Variants in HNRNPL observed in about 807,000 individuals in gnomAD.
HNRNPL encodes epididymis secretory sperm binding protein.
HNRNPL carries 12 observed loss-of-function variants against 64.0 expected under a neutral mutation model. The ratio of observed to expected loss-of-function variants is 0.19; its 90% CI spans 0.12 to 0.30. The LOEUF (loss-of-function observed/expected upper bound fraction) is 0.30, where lower values mean the gene tolerates loss of function less well. Ranked by LOEUF, HNRNPL falls within the 10% of genes least tolerant of loss-of-function variation. HNRNPL has a pLI of 1.00. For missense variants in HNRNPL, 484 were observed against 797.4 expected (o/e 0.61, Z 4.73); for synonymous variants, 385 against 313.0 (o/e 1.23, Z -2.43).
rs752038266 is a variant in HNRNPL at position 38,839,032 on chromosome 19, G to A, written c.1234-17C>T. 7 of 1,613,730 alleles carry A rather than the reference G, an allele frequency of 4.3e-6. No homozygotes were observed. The East Asian group carries it at 6.7e-5, about 15-fold the overall frequency. ...GAATTTCACCTTGGGGAGAGTAGCT[G>A]CAGTCAGCACCTCTGTCCAGCTGCC... On this transcript the variant is annotated splice_polypyrimidine_tract_variant and intron_variant, in intron 8 of 12. Coordinates refer to ENST00000221419, the MANE Select transcript of HNRNPL (RefSeq NM_001533.3).
intron 1 of HNRNPL, 123 bp from the exon 2 acceptor site, chr19:38,847,557 A>C (rs1210177187): frequency 4.1e-6 from 2 of 492,550 alleles, no homozygotes; most frequent in Admixed American, 3.9e-5. Context: ...AAGGATGCAC[A>C]GGAAAGACTA....
At position 38,839,024 on chromosome 19, in the gene HNRNPL, G is replaced by C; in HGVS notation, c.1234-9C>G. ...CTTTTCATGAATTTCACCTTGGGGA[G>C]AGTAGCTGCAGTCAGCACCTCTGTC... On this transcript the variant is annotated splice_polypyrimidine_tract_variant and intron_variant, in intron 8 of 12. Coordinates refer to ENST00000221419, the MANE Select transcript of HNRNPL (RefSeq NM_001533.3). 6 of 1,613,932 alleles carry C rather than the reference G, an allele frequency of 3.7e-6. No individual in the cohort carries two copies. Among genetic ancestry groups the C allele is most frequent in the Non-Finnish European group, 5.1e-6 (6 of 1,179,932 alleles).
At chr19:38,848,313 G>A (rs1016640147) in intron 1 of HNRNPL, among the ~76,000 whole-genome samples, 3 of 151,958 alleles carry the variant, frequency 2.0e-5, no homozygotes, top group Non-Finnish European at 4.4e-5. Context: ...GGCTGTTCTC[G>A]AACTCCTGAC....
chr19:38,841,718 C>T (rs1972123011), intron 6 of HNRNPL: 2 of 908,746 alleles, frequency 2.2e-6, no homozygotes, highest in Non-Finnish European at 3.1e-6. Flanking sequence ...AAATACAAGT[C>T]ACGGTACACA....
At chr19:38,852,278 C>G (rs1461434627), upstream of HNRNPL, 2 of 151,728 alleles carry the variant, frequency 1.3e-5, no homozygotes, top group Non-Finnish European at 2.9e-5. Flanking sequence ...TCCCGCACCC[C>G]TCGCCCCCAG....
At chr19:38,848,582 G>A (rs925091143) in intron 1 of HNRNPL, among the ~76,000 whole-genome samples, 2 of 152,222 alleles carry the variant, frequency 1.3e-5, no homozygotes, top group African/African-American at 4.8e-5. Flanking sequence ...GAAGTGCGTG[G>A]AAGGTGGGTA....
chr19:38,839,218 G>A lies in HNRNPL; in HGVS notation c.1234-203C>T, dbSNP rs111990928. 3.4e-3 allele frequency: 1,998 copies of A among 579,824 alleles called. 8 individuals are homozygous for A. Among genetic ancestry groups the A allele is most frequent in the Non-Finnish European group, 5.0e-3 (1,641 of 326,980 alleles). The allele number at this position is 579,824 out of a possible 1,614,324, so 35.9% of individuals were successfully genotyped here. On this transcript the variant is annotated intron_variant, in intron 8 of 12. Transcript: ENST00000221419. ...GAGCCTGGGCCATGTTTTTAACTGT[G>A]GGACATAACCCACCAGTAAATCATT...
intron 9 of HNRNPL, 109 bp from the exon 10 acceptor site, chr19:38,838,707 T>G: frequency 7.5e-7 from 1 of 1,336,308 alleles, no homozygotes; most frequent in Non-Finnish European, 1.1e-6. Flanking sequence ...GGGGCATTGC[T>G]CTACACCTGA....
chr19:38,836,592 A>G lies in HNRNPL; in HGVS notation c.*130T>C, dbSNP rs1332059547. ...AGGTTAAGTAAGCCTCTACAAACCT[A>G]GCATTTAAAAAAAAAAAAAAAAAAA... is the stretch of plus-strand genomic sequence containing the variant. On this transcript the variant is annotated 3_prime_UTR_variant, in exon 13 of 13. Coordinates refer to ENST00000221419, the MANE Select transcript of HNRNPL (RefSeq NM_001533.3). 1 of 535,798 alleles carries G rather than the reference A, an allele frequency of 1.9e-6. No homozygotes were observed. Among genetic ancestry groups the G allele is most frequent in the East Asian group, 3.0e-5 (1 of 33,212 alleles). The allele number at this position is 535,798 out of a possible 1,614,324, so 33.2% of individuals were successfully genotyped here.
chr19:38,848,553 G>T (rs181762137), intron 1 of HNRNPL, among the ~76,000 whole-genome samples: 13 of 151,982 alleles, frequency 8.6e-5, no homozygotes, highest in Admixed American at 1.3e-4. Context: ...CCGGCCCCCT[G>T]TCTGAGAATC....
At chr19:38,837,214 CAAG>C in intron 12 of HNRNPL, 167 bp downstream of exon 12, 2 of 621,540 alleles carry the variant, frequency 3.2e-6, no homozygotes, top group Non-Finnish European at 5.7e-6. Flanking sequence ...CTGGCTCTCC[CAAG>C]AGGAGCACAG....
Position 38,845,509 on chromosome 19 carries a change from G to A in HNRNPL, c.710+141C>T, listed in dbSNP as rs569229828. On this transcript the variant is annotated intron_variant, in intron 4 of 12. Coordinates refer to ENST00000221419, the MANE Select transcript of HNRNPL (RefSeq NM_001533.3). ...GGTCCTTTAACTGCCTCCCTACTCA[G>A]TCACTGGGCTCTGTGAAGGCATCTG... 99 of 697,740 alleles carry A rather than the reference G, an allele frequency of 1.4e-4. No individual in the cohort carries two copies. The African/African-American group carries it at 1.5e-3, about 11-fold the overall frequency. The allele number at this position is 697,740 out of a possible 1,614,324, so 43.2% of individuals were successfully genotyped here. A position where few individuals can be genotyped will look rare whatever the true frequency, so the allele number is the denominator to read the frequency against.
At chr19:38,843,943 A>C (rs994417839) in intron 5 of HNRNPL, 29 bp from the exon 6 acceptor site, 1 of 1,612,514 alleles carries the variant, frequency 6.2e-7, no homozygotes, top group African/African-American at 1.3e-5. Context: ...ACAAGACTTG[A>C]GGTCAGCCAT....
chr19:38,841,099 G>A (rs777310460), intron 6 of HNRNPL: 59 of 202,048 alleles, frequency 2.9e-4, no homozygotes, highest in Middle Eastern at 1.9e-3. Flanking sequence ...GCCCAAGAGG[G>A]ACTGACTGTA....
intron 8 of HNRNPL, among the ~76,000 whole-genome samples, chr19:38,839,839 C>T (rs1972050203): frequency 6.6e-6 from 1 of 152,206 alleles, no homozygotes; most frequent in African/African-American, 2.4e-5. Flanking sequence ...TTATAAATCT[C>T]TATGTTCATG....
chr19:38,849,542 C>G (rs1454685455), intron 1 of HNRNPL, among the ~76,000 whole-genome samples, 158 bp downstream of exon 1: 2 of 152,182 alleles, frequency 1.3e-5, no homozygotes, highest in Non-Finnish European at 2.9e-5. Flanking sequence ...TCGCGCAAAC[C>G]CCGCCGTTTG....
At position 38,840,616 on chromosome 19, in the gene HNRNPL, CTCCT is replaced by C; in HGVS notation, c.881-61_881-58del. On this transcript the variant is annotated intron_variant, in intron 6 of 12. Transcript: ENST00000221419. Reference sequence around the variant, plus strand: ...CTCAGAAATTGGGGTCTCTCCCTCCCTCCTGACTGCACAGGCTGATCTGAGCCCC... The same window carrying C: ...CTCAGAAATTGGGGTCTCTCCCTCCCGACTGCACAGGCTGATCTGAGCCCC... 7 of 1,347,748 alleles carry C rather than the reference CTCCT, an allele frequency of 5.2e-6. No homozygotes were observed. In the South Asian group the frequency reaches 6.3e-5, roughly 12 times the overall value. The allele number at this position is 1,347,748 out of a possible 1,614,324, so 83.5% of individuals were successfully genotyped here.
At chr19:38,848,480 G>C (rs1200837796) in intron 1 of HNRNPL, among the ~76,000 whole-genome samples, 1 of 152,198 alleles carries the variant, frequency 6.6e-6, no homozygotes, top group Non-Finnish European at 1.5e-5. Context: ...TACACCCACC[G>C]ACAAAAGCCT....
intron 10 of HNRNPL, 90 bp from the exon 11 acceptor site, chr19:38,837,741 C>G: frequency 1.8e-6 from 2 of 1,131,388 alleles, no homozygotes; most frequent in South Asian, 1.3e-5. Flanking sequence ...TGACTCAGTA[C>G]TTGAAGTTTT....
Sources: allele counts gnomAD v4.1 joint callset (sites outside exome capture counted in the v4.1 genomes callset), GRCh38; gene constraint gnomAD v4.1.1; transcripts MANE v1.5; gene names NCBI Gene and HGNC (gene_info 2026-07-23, HGNC 2026-07-21).